Variants in RTTN observed in about 807,000 individuals in gnomAD.
RTTN encodes the protein rotatin.
A neutral mutation model predicts 269.2 loss-of-function variants in RTTN; 182 were observed. The observed-to-expected ratio is 0.68, with a 90% CI of 0.60 to 0.76. RTTN has a LOEUF of 0.76. Among genes scored for constraint, RTTN ranks in the 30% least tolerant of loss-of-function variants. The probability of loss-of-function intolerance (pLI) is 0.00; values close to 1 mark genes in which losing one functional copy is unlikely to be tolerated. For synonymous variants in RTTN, 1,006 were observed against 963.5 expected (o/e 1.04, Z -0.82); for missense variants, 2,545 against 2,608.6 (o/e 0.98, Z 0.53).
At chr18:70,081,474 T>C (rs1184323355) in intron 32 of RTTN, among the ~76,000 whole-genome samples, 1 of 152,182 alleles carries the variant, frequency 6.6e-6, no homozygotes. Context: ...TACTAAGTAA[T>C]CAAAGTTAGT....
At chr18:70,102,362 A>G (rs952026173) in intron 28 of RTTN, among the ~76,000 whole-genome samples, 1 of 152,132 alleles carries the variant, frequency 6.6e-6, no homozygotes, top group Non-Finnish European at 1.5e-5. Flanking sequence ...TTGTTGGTTT[A>G]AAGTCTGTTT....
rs895213479 is a variant in RTTN at position 70,193,435 on chromosome 18, G to C, written c.860C>G (p.Ser287Cys). The C allele has an allele frequency of 1.3e-6, 2 of 1,526,322 alleles. No individual in the cohort carries two copies. The highest frequency in any genetic ancestry group is 2.9e-5 in the African/African-American group (2 of 69,878). 94.5% of individuals were successfully genotyped at this position (1,526,322 alleles called of 1,614,324 possible). Residue 287 changes from serine (S) to cysteine (C), a missense_variant, in exon 8 of 49, where the codon TCT becomes TGT. Physicochemically the swap from Ser to Cys is moderately radical, Grantham distance 112. Coordinates refer to ENST00000640769, the MANE Select transcript of RTTN (RefSeq NM_173630.4). ...SNKHDTVSQNSSLSYCHEARG... is the reference protein window; with the variant it reads ...SNKHDTVSQNCSLSYCHEARG... ...TGCTTCATGACAATAAGACAAAGAA[G>C]AATTTTGGGAAACTGTGTCTGGGGA... is the stretch of plus-strand genomic sequence containing the variant.
At chr18:70,068,652 C>G (rs540160081) in intron 34 of RTTN, among the ~76,000 whole-genome samples, 2 of 152,314 alleles carry the variant, frequency 1.3e-5, no homozygotes, top group East Asian at 3.9e-4. Context: ...TCCTGTCAAG[C>G]TTCTCGCTGC....
chr18:70,169,683 C>G (rs1308229302), intron 11 of RTTN, among the ~76,000 whole-genome samples: 3 of 151,882 alleles, frequency 2.0e-5, no homozygotes, highest in Non-Finnish European at 4.4e-5. Flanking sequence ...TCAATATGCC[C>G]AAATGAAATA....
At chr18:70,187,719 C>T (rs1445282173) in intron 10 of RTTN, among the ~76,000 whole-genome samples, 1 of 152,104 alleles carries the variant, frequency 6.6e-6, no homozygotes, top group African/African-American at 2.4e-5. Context: ...AGCTAATAAG[C>T]AATTATGCTG....
chr18:70,086,859 T>C (rs1599461805), intron 31 of RTTN, among the ~76,000 whole-genome samples, 175 bp from the exon 32 acceptor site: 2 of 152,160 alleles, frequency 1.3e-5, no homozygotes, highest in East Asian at 3.8e-4. Context: ...CTGTATTTCT[T>C]GTTAGGTGAT....
chr18:70,193,330 C>T lies in RTTN; in HGVS notation c.965G>A (p.Arg322Gln), dbSNP rs1478425334. Reference sequence around the variant, plus strand: ...CCAGTCCTGGCCATCTCCTCTGGGTCGCTGGCCTGTGCGCCCAACCACAGA... The same window carrying T: ...CCAGTCCTGGCCATCTCCTCTGGGTTGCTGGCCTGTGCGCCCAACCACAGA... ...RPSVVGRTGQRPRGDGQDWDA... is the reference protein window; with the variant it reads ...RPSVVGRTGQQPRGDGQDWDA... Residue 322 changes from arginine to glutamine, a missense_variant, in exon 8 of 49, where the codon CGA becomes CAA. Physicochemically the swap from Arg to Gln is conservative, Grantham distance 43. Coordinates refer to ENST00000640769, the MANE Select transcript of RTTN (RefSeq NM_173630.4). The T allele has an allele frequency of 1.2e-6, 2 of 1,611,106 alleles. No homozygotes were observed. The highest frequency in any genetic ancestry group is 8.5e-7 in the Non-Finnish European group (1 of 1,178,630).
chr18:70,041,383 C>CAT (rs2057335421), intron 40 of RTTN, among the ~76,000 whole-genome samples: 1 of 148,036 alleles, frequency 6.8e-6, no homozygotes, highest in Non-Finnish European at 1.5e-5. Flanking sequence ...TGGGATTGCA[C>CAT]ACACACACAC....
At chr18:70,136,871 A>C (rs2060137020) in intron 21 of RTTN, among the ~76,000 whole-genome samples, 1 of 152,162 alleles carries the variant, frequency 6.6e-6, no homozygotes, top group Admixed American at 6.5e-5. Flanking sequence ...GTAACATAGC[A>C]AACTGAAATT....
At chr18:70,031,203 A>C (rs1243305426) in intron 40 of RTTN, 1 of 534,370 alleles carries the variant, frequency 1.9e-6, no homozygotes, top group Non-Finnish European at 3.3e-6. Context: ...ATTCTTAAAG[A>C]CTCATCATCT....
At chr18:70,039,185 G>A (rs1419628951) in intron 40 of RTTN, among the ~76,000 whole-genome samples, 3 of 152,008 alleles carry the variant, frequency 2.0e-5, no homozygotes, top group Non-Finnish European at 1.5e-5. Flanking sequence ...AAAACTTAGA[G>A]AAAGATCAAT....
chr18:70,075,411 C>T lies in RTTN; in HGVS notation c.4505G>A (p.Cys1502Tyr), dbSNP rs754910738. The part of the protein sequence containing the change: ...QMVKHCYLGR[C>Y]MFDLNFSAFD... ...AGCAGAAAAATTCAAATCAAACATA[C>T]ACCGTCCTAGGTAACAATGCTTTAC... Residue 1502 changes from cysteine (C) to tyrosine (Y), a missense_variant, in exon 33 of 49, where the codon TGT (cysteine) becomes TAT (tyrosine). Coordinates refer to ENST00000640769, the MANE Select transcript of RTTN (RefSeq NM_173630.4). The T allele has an allele frequency of 1.2e-6, 2 of 1,602,258 alleles. No individual in the cohort carries two copies. Among genetic ancestry groups the T allele is most frequent in the Admixed American group, 1.7e-5 (1 of 57,664 alleles).
At position 70,142,370 on chromosome 18, in the gene RTTN, C is replaced by A. The variant is rs761519328; in HGVS notation, c.2499G>T (p.Lys833Asn). ...CATCTGAGGTGAAGATTTCATATAC[C>A]TTTTCAACAGTCTCCAACTACAAAC... ...ELVIKLETVE[K>N]VYEIFTSDDV... Residue 833 changes from lysine to asparagine, a missense_variant, in exon 19 of 49, where the codon AAG becomes AAT. By Grantham distance (94) the Lys-to-Asn change is moderately conservative. Coordinates refer to ENST00000640769, the MANE Select transcript of RTTN (RefSeq NM_173630.4). 6 of 1,580,042 alleles carry A rather than the reference C, an allele frequency of 3.8e-6. No individual in the cohort carries two copies. The highest frequency in any genetic ancestry group is 2.7e-5 in the African/African-American group (2 of 73,348).
intron 16 of RTTN, 121 bp from the exon 17 acceptor site, chr18:70,149,158 A>G (rs2060472870): frequency 2.5e-6 from 2 of 810,978 alleles, no homozygotes; most frequent in African/African-American, 3.5e-5. Context: ...TCAGTTGAAT[A>G]AAATCATTAT....
intron 40 of RTTN, among the ~76,000 whole-genome samples, chr18:70,039,151 A>G (rs1376125642): frequency 6.6e-6 from 1 of 152,128 alleles, no homozygotes; most frequent in Non-Finnish European, 1.5e-5. Context: ...AGTTTATTCA[A>G]AGGGATAATA....
chr18:70,158,718 C>T (rs2060749264), intron 14 of RTTN, among the ~76,000 whole-genome samples: 1 of 152,042 alleles, frequency 6.6e-6, no homozygotes, highest in African/African-American at 2.4e-5. Context: ...GCAGTGACAC[C>T]CACATGCTCA....
chr18:70,199,372 A>G (rs2061893036), intron 5 of RTTN, 42 bp downstream of exon 5: 6 of 1,342,888 alleles, frequency 4.5e-6, no homozygotes, highest in South Asian at 2.4e-5. Context: ...CTTAATGACT[A>G]TAAGTGAACA....
At chr18:70,168,802 A>C in intron 12 of RTTN, 53 bp downstream of exon 12, 3 of 1,359,482 alleles carry the variant, frequency 2.2e-6, no homozygotes, top group South Asian at 2.7e-5. Flanking sequence ...TATAGATTAA[A>C]TTTTCAAAAT....
intron 26 of RTTN, 24 bp from the exon 27 acceptor site, chr18:70,114,623 A>T: frequency 6.2e-7 from 1 of 1,601,478 alleles, no homozygotes; most frequent in Non-Finnish European, 8.5e-7. Flanking sequence ...TTTGTAAAAA[A>T]TGTATTTACT....
Sources: gnomAD v4.1 joint callset for allele counts (sites outside exome capture counted in the v4.1 genomes callset) on GRCh38, gnomAD v4.1.1 for gene constraint, MANE v1.5 for transcripts, NCBI Gene and HGNC (gene_info 2026-07-23, HGNC 2026-07-21) for gene names.